Variants in ASIC2 observed in about 807,000 individuals in gnomAD.
ASIC2 encodes acid-sensing ion channel 2.
Under a neutral mutation model 57.3 loss-of-function variants are expected in ASIC2, and 25 were observed. That is an observed-to-expected ratio of 0.44 (90% CI 0.32 to 0.61). ASIC2 has a LOEUF of 0.61. Ranked by LOEUF, ASIC2 falls within the 20% of genes least tolerant of loss-of-function variation. The probability of loss-of-function intolerance (pLI) is 0.06; values close to 1 mark genes in which losing one functional copy is unlikely to be tolerated. For missense variants in ASIC2, 641 were observed against 738.1 expected (o/e 0.87, Z 1.52); for synonymous variants, 319 against 307.5 (o/e 1.04, Z -0.39).
At chr17:34,133,484 A>G (rs1326329129) in intron 1 of ASIC2, among the ~76,000 whole-genome samples, 1 of 152,244 alleles carries the variant, frequency 6.6e-6, no homozygotes, top group Non-Finnish European at 1.5e-5. Context: ...TTCTCCCAAG[A>G]GCAGCCCTGG....
At chr17:33,643,548 A>G (rs1906648367) in intron 1 of ASIC2, among the ~76,000 whole-genome samples, 1 of 152,216 alleles carries the variant, frequency 6.6e-6, no homozygotes. Flanking sequence ...CCTGAGATTT[A>G]CAAGCATTAA....
intron 1 of ASIC2, among the ~76,000 whole-genome samples, chr17:33,913,922 A>G (rs1408136624): frequency 1.3e-5 from 2 of 152,224 alleles, no homozygotes; most frequent in Non-Finnish European, 1.5e-5. Context: ...AGATGCCATT[A>G]ATTCTATTTT....
chr17:33,997,207 C>T (rs9905620), intron 1 of ASIC2, among the ~76,000 whole-genome samples: 27,099 of 151,734 alleles, frequency 0.18, 4,841 homozygotes, highest in African/African-American at 0.45. Context: ...AGTGGTGCAG[C>T]CTCGGTTCAC....
In ASIC2 at chr17:34,156,087, T is replaced by C; in HGVS notation, c.446A>G (p.Lys149Arg). ...CAGGAACTCCAGCATGCTGAACTGCTTGGGTTTGTAGTGCTTGAAGTTGGC... is the reference window on the plus strand; with the variant it reads ...CAGGAACTCCAGCATGCTGAACTGCCTGGGTTTGTAGTGCTTGAAGTTGGC... The change falls in exon 1 of 10, where the codon AAG (lysine) becomes AGG (arginine). Residue 149 changes from lysine to arginine, a missense_variant. Transcript: ENST00000359872. The surrounding 1 kb of genome is among the most constrained non-coding windows in gnomAD (Gnocchi z 4.4). The C allele has an allele frequency of 6.2e-7, 1 of 1,613,920 alleles. No homozygotes were observed. Among genetic ancestry groups the C allele is most frequent in the East Asian group, 2.2e-5 (1 of 44,816 alleles).
At chr17:33,846,137 T>C (rs1313796634) in intron 1 of ASIC2, among the ~76,000 whole-genome samples, 1 of 152,180 alleles carries the variant, frequency 6.6e-6, no homozygotes, top group Non-Finnish European at 1.5e-5. Flanking sequence ...AGCATTTAAA[T>C]GCTTCCATGT....
intron 1 of ASIC2, among the ~76,000 whole-genome samples, chr17:33,381,694 G>A (rs1909495229): frequency 6.6e-6 from 1 of 152,192 alleles, no homozygotes; most frequent in Non-Finnish European, 1.5e-5. Context: ...ATCCGACACA[G>A]GGTAGGTGCT....
At chr17:33,227,845 A>G (rs1180886757) in intron 1 of ASIC2, among the ~76,000 whole-genome samples, 8 of 152,200 alleles carry the variant, frequency 5.3e-5, no homozygotes, top group African/African-American at 1.7e-4. Flanking sequence ...AGCTCAGACC[A>G]TCTTGCTCCA....
At chr17:33,187,784 T>G (rs1022325051) in intron 1 of ASIC2, among the ~76,000 whole-genome samples, 3 of 151,800 alleles carry the variant, frequency 2.0e-5, no homozygotes, top group Non-Finnish European at 4.4e-5. Flanking sequence ...AAATTGTTTC[T>G]AAGTAACTTA....
chr17:34,011,189 A>C (rs1357311586), intron 1 of ASIC2, among the ~76,000 whole-genome samples: 2 of 151,628 alleles, frequency 1.3e-5, no homozygotes, highest in Non-Finnish European at 2.9e-5. Context: ...GCACAGATGC[A>C]CACACACATA....
chr17:33,386,655 G>T (rs889591593), intron 1 of ASIC2, among the ~76,000 whole-genome samples: 4 of 152,154 alleles, frequency 2.6e-5, no homozygotes, highest in Admixed American at 6.5e-5. Flanking sequence ...AGAGTGATCT[G>T]TTGGGTCACA....
At chr17:33,636,816 C>T (rs1336145610) in intron 1 of ASIC2, among the ~76,000 whole-genome samples, 4 of 151,988 alleles carry the variant, frequency 2.6e-5, no homozygotes, top group Non-Finnish European at 4.4e-5. Context: ...ACTACTCAAA[C>T]TCCATGCTTA....
At chr17:33,040,194 T>C (rs1251591169) in intron 3 of ASIC2, among the ~76,000 whole-genome samples, 1 of 152,002 alleles carries the variant, frequency 6.6e-6, no homozygotes. Flanking sequence ...GCTCAGGGAG[T>C]GCAGTGAGTG....
Position 33,025,995 on chromosome 17 carries a change from AAC to A in ASIC2, c.1139-15_1139-14del. 6.2e-7 allele frequency: 1 copy of A among 1,613,484 alleles called. No homozygotes were observed. The highest frequency in any genetic ancestry group is 1.1e-5 in the South Asian group (1 of 90,940). On this transcript the variant is annotated splice_polypyrimidine_tract_variant and intron_variant, in intron 4 of 9. Transcript: ENST00000225823. ...AAAGGGGCATCCCCTGCAAAGAAGA[AAC>A]ACCAGACAGAGTTACTCAGGCAGGA...
intron 1 of ASIC2, among the ~76,000 whole-genome samples, chr17:33,878,537 C>T (rs1334597655): frequency 6.6e-6 from 1 of 152,030 alleles, no homozygotes; most frequent in African/African-American, 2.4e-5. Flanking sequence ...TGAAATGAAG[C>T]AAGAAGAGAA....
At chr17:33,859,790 T>A (rs1214116069) in intron 1 of ASIC2, among the ~76,000 whole-genome samples, 1 of 152,154 alleles carries the variant, frequency 6.6e-6, no homozygotes, top group Non-Finnish European at 1.5e-5. Flanking sequence ...GCTCAAGCTA[T>A]CCTCCCATCT....
intron 1 of ASIC2, chr17:34,037,753 G>A (rs1907945722): frequency 1.2e-6 from 2 of 1,614,156 alleles, no homozygotes; most frequent in Non-Finnish European, 8.5e-7. Flanking sequence ...GGACATCAAT[G>A]CGGTCCTCCT....
At chr17:33,903,906 G>A (rs1324745238) in intron 1 of ASIC2, among the ~76,000 whole-genome samples, 1 of 152,120 alleles carries the variant, frequency 6.6e-6, no homozygotes, top group African/African-American at 2.4e-5. Flanking sequence ...GCTCATGCCT[G>A]TAATCCGAGC....
intron 1 of ASIC2, among the ~76,000 whole-genome samples, chr17:33,258,252 G>A (rs1175448446): frequency 4.6e-5 from 7 of 152,144 alleles, no homozygotes; most frequent in Non-Finnish European, 1.0e-4. Flanking sequence ...TGCCCTTGAC[G>A]TTGGGGATAT....
chr17:33,576,282 G>C (rs1221928574), intron 1 of ASIC2, among the ~76,000 whole-genome samples: 1 of 152,132 alleles, frequency 6.6e-6, no homozygotes, highest in Non-Finnish European at 1.5e-5. Context: ...ACTTCAGAGA[G>C]AACCCAGTTC....
Sources: gnomAD v4.1 joint callset for allele counts (sites outside exome capture counted in the v4.1 genomes callset) on GRCh38, gnomAD v4.1.1 for gene constraint, Gnocchi (gnomAD v3.1) non-coding constraint, MANE v1.5 for transcripts, NCBI Gene and HGNC (gene_info 2026-07-23, HGNC 2026-07-21) for gene names.